Variants in MTX1 observed in about 807,000 individuals in gnomAD.
MTX1 encodes metaxin-1.
Under a neutral mutation model 39.4 loss-of-function variants are expected in MTX1, and 20 were observed. The observed-to-expected ratio is 0.51, with a 90% confidence interval of 0.36 to 0.74. The LOEUF (loss-of-function observed/expected upper bound fraction) is 0.74. Among genes scored for constraint, MTX1 ranks in the 30% least tolerant of loss-of-function variants. The pLI, the probability that MTX1 is intolerant of heterozygous loss-of-function variation, is 0.00. For synonymous variants in MTX1, 209 were observed against 198.6 expected (o/e 1.05, Z -0.44); for missense variants, 481 against 485.9 (o/e 0.99, Z 0.10).
intron 3 of MTX1, 76 bp downstream of exon 3, chr1:155,210,703 C>T (rs948375754): frequency 2.2e-6 from 3 of 1,345,178 alleles, no homozygotes; most frequent in African/African-American, 2.9e-5. Context: ...TTATTGAGCA[C>T]CAGATATATG....
rs1670944743 is a variant in MTX1 at position 155,209,086 on chromosome 1, C to G, written c.282C>G (p.Val94=). 1 of 1,541,850 alleles carries G rather than the reference C, an allele frequency of 6.5e-7. No individual in the cohort carries two copies. The highest frequency in any genetic ancestry group is 1.4e-5 in the African/African-American group (1 of 72,648). The change falls in exon 1 of 8, where the codon GTC becomes GTG. Residue 94 remains valine, a synonymous_variant. Transcript: ENST00000368376. ...CCTCCCCCGAGGCCCGCGGCCCAGT[C>G]CCCCGCAGTTCAGCTGCCAGTCGGG... ...RPPSPEARGP[V]PRSSAASRAR...
chr1:155,212,790 G>C lies in MTX1; in HGVS notation c.1031+20G>C. On this transcript the variant is annotated intron_variant, in intron 6 of 7. Transcript: ENST00000368376. The stretch of plus-strand genomic sequence containing the variant: ...AGATGCGTGAGTCTGACTCCAAGAG[G>C]GTAATGGGTGGCTTGGAAGAAGATA... 4 of 1,548,116 alleles carry C rather than the reference G, an allele frequency of 2.6e-6. No homozygotes were observed. In the East Asian group the frequency reaches 9.4e-5, roughly 36 times the overall value.
At chr1:155,209,559 T>A (rs1446070558) in intron 1 of MTX1, among the ~76,000 whole-genome samples, 1 of 152,198 alleles carries the variant, frequency 6.6e-6, no homozygotes, top group African/African-American at 2.4e-5. Context: ...AGGTGATGGG[T>A]TCTAGTCCTT....
At chr1:155,210,955 G>C (rs1395801688) in intron 3 of MTX1, 9 of 382,364 alleles carry the variant, frequency 2.4e-5, no homozygotes, top group Non-Finnish European at 4.4e-5. Flanking sequence ...GGTTGGGCTA[G>C]ATATGGGGCT....
chr1:155,212,518 T>C lies in MTX1; in HGVS notation c.905T>C (p.Leu302Pro). Residue 302 changes from leucine (L) to proline (P), a missense_variant, in exon 5 of 8, where the codon CTG becomes CCG. Leu to Pro is a moderately conservative substitution (Grantham distance 98, BLOSUM62 -3). Around this residue, in one of 2 missense-constraint regions of MTX1, gnomAD observed 113 missense variants for 153.2 expected, o/e 0.74. Transcript: ENST00000368376. The part of the protein sequence containing the change: ...MQRQYMERLQ[L>P]LTGEHRPEDE... Reference sequence around the variant, plus strand: ...CGGCAGTACATGGAACGGCTACAGCTGCTGACTGGGGAGCACAGGCCTGAG... The same window carrying C: ...CGGCAGTACATGGAACGGCTACAGCCGCTGACTGGGGAGCACAGGCCTGAG... The C allele has an allele frequency of 1.2e-6, 2 of 1,613,840 alleles. No homozygotes were observed. The highest frequency in any genetic ancestry group is 1.7e-6 in the Non-Finnish European group (2 of 1,179,778).
intron 3 of MTX1, 28 bp from the exon 4 acceptor site, chr1:155,212,099 G>C (rs1244303990): frequency 1.3e-6 from 2 of 1,578,174 alleles, no homozygotes; most frequent in Admixed American, 3.5e-5. Context: ...GCTCCCTAGT[G>C]TCCACGCCAT....
At chr1:155,212,664 G>A (rs1225277412) in intron 5 of MTX1, 30 bp from the exon 6 acceptor site, 1 of 1,612,722 alleles carries the variant, frequency 6.2e-7, no homozygotes, top group African/African-American at 1.3e-5. Context: ...TGTTCCCACA[G>A]CTGCAAGCCT....
intron 6 of MTX1, 150 bp from the exon 7 acceptor site, chr1:155,213,087 A>G: frequency 1.7e-6 from 1 of 589,930 alleles, no homozygotes. Context: ...CTCTCCCCAT[A>G]CCAGGTCTAG....
rs746453727 is a variant in MTX1 at position 155,209,132 on chromosome 1, C to G, written c.328C>G (p.Pro110Ala). 3 of 1,540,678 alleles carry G rather than the reference C, an allele frequency of 1.9e-6. No individual in the cohort carries two copies. The African/African-American group carries it at 4.1e-5, about 21-fold the overall frequency. ...TCGGGCCAGAAGAAGCCTCGCCTCC[C>G]CGGGGATCTCCCCAGGCCCCCTGAC... Reference protein sequence around the residue: ...ASRARRSLASPGISPGPLTAT... With the variant: ...ASRARRSLASAGISPGPLTAT... The change falls in exon 1 of 8, where the codon CCG (proline) becomes GCG (alanine). Residue 110 changes from proline to alanine, a missense_variant. Transcript: ENST00000368376.
chr1:155,209,630 T>C (rs982104609), intron 1 of MTX1, among the ~76,000 whole-genome samples: 3 of 152,234 alleles, frequency 2.0e-5, no homozygotes, highest in African/African-American at 4.8e-5. Flanking sequence ...GCATTTTTTT[T>C]CTCCATTCGG....
rs1318879182 is a variant in MTX1, at chr1:155,208,876, C to G, written c.72C>G (p.Gly24=). 1 of 1,611,310 alleles carries G rather than the reference C, an allele frequency of 6.2e-7. No individual in the cohort carries two copies. Among genetic ancestry groups the G allele is most frequent in the Non-Finnish European group, 8.5e-7 (1 of 1,179,534 alleles). Residue 24 remains glycine, a synonymous_variant, in exon 1 of 8, where the codon GGC becomes GGG. Coordinates refer to ENST00000368376, the MANE Select transcript of MTX1 (RefSeq NM_002455.5). ...CCAAGGGGCCCTGGAGCAGTACAGG[C>G]CACGTGCAGTTTGGCAAGAGCCCCC... ...TSPKGPWSST[G]HVQFGKSPQT...
Position 155,208,716 on chromosome 1 carries a change from C to A in MTX1, c.-89C>A. The stretch of plus-strand genomic sequence containing the variant: ...CCCCACCCAAGCCCCAGCCCGGCCT[C>A]CGCTCCGGCCGCCGCCACCGCCCCT... On this transcript the variant is annotated 5_prime_UTR_variant, in exon 1 of 8. Coordinates refer to ENST00000368376, the MANE Select transcript of MTX1 (RefSeq NM_002455.5). The A allele has an allele frequency of 1.5e-6, 2 of 1,308,944 alleles. No individual in the cohort carries two copies. The highest frequency in any genetic ancestry group is 1.6e-5 in the South Asian group (1 of 61,990). The allele number at this position is 1,308,944 out of a possible 1,614,324, so 81.1% of individuals were successfully genotyped here.
At chr1:155,209,764 C>A (rs1671029974) in intron 1 of MTX1, among the ~76,000 whole-genome samples, 2 of 152,138 alleles carry the variant, frequency 1.3e-5, no homozygotes, top group East Asian at 1.9e-4. Context: ...TTTGTTAGAC[C>A]AAACGACTCA....
chr1:155,212,125 A>C lies in MTX1; in HGVS notation c.679-2A>C. 6.2e-7 allele frequency: 1 copy of C among 1,601,790 alleles called. No homozygotes were observed. Among genetic ancestry groups the C allele is most frequent in the Non-Finnish European group, 8.5e-7 (1 of 1,173,576 alleles). ...TCCACGCCATGGATATTTCCTCCAC[A>C]GAAGTACAATGCTGATTATGATCTG... is the stretch of plus-strand genomic sequence containing the variant. On this transcript the variant is annotated splice_acceptor_variant, in intron 3 of 7. Coordinates refer to ENST00000368376, the MANE Select transcript of MTX1 (RefSeq NM_002455.5). LOFTEE classifies it high-confidence loss of function.
In MTX1 at chr1:155,209,168, G is replaced by C; in HGVS notation, c.364G>C (p.Gly122Arg). Residue 122 changes from glycine (G) to arginine (R), a missense_variant, in exon 1 of 8, where the codon GGA (glycine) becomes CGA (arginine). Physicochemically the swap from Gly to Arg is moderately radical, Grantham distance 125. This residue lies in a region of MTX1 where 368 missense variants were observed against 332.8 expected (regional missense o/e 1.11). Transcript: ENST00000368376. ...ISPGPLTATI[G>R]GAVAGGGPRQ... ...CCCAGGCCCCCTGACCGCAACGATC[G>C]GAGGGGCGGTGGCGGGGGGCGGGCC... 6.7e-7 allele frequency: 1 copy of C among 1,495,000 alleles called. No individual in the cohort carries two copies. Among genetic ancestry groups the C allele is most frequent in the Non-Finnish European group, 8.9e-7 (1 of 1,120,398 alleles). 92.6% of individuals were successfully genotyped at this position (1,495,000 alleles called of 1,614,324 possible).
Position 155,208,845 on chromosome 1 carries a change from C to T in MTX1, c.41C>T (p.Thr14Met). Residue 14 changes from threonine (T) to methionine (M), a missense_variant, in exon 1 of 8, where the codon ACG becomes ATG. Coordinates refer to ENST00000368376, the MANE Select transcript of MTX1 (RefSeq NM_002455.5). ...CCCCCCCGCAGTCCCCGCTCGGGGA[C>T]GAGCCCCAAGGGGCCCTGGAGCAGT... ...GGPPRSPRSG[T>M]SPKGPWSSTG... The T allele has an allele frequency of 1.9e-6, 3 of 1,591,060 alleles. No individual in the cohort carries two copies. The highest frequency in any genetic ancestry group is 2.6e-6 in the Non-Finnish European group (3 of 1,167,184).
At chr1:155,211,874 C>T (rs1393278355) in intron 3 of MTX1, 3 of 349,926 alleles carry the variant, frequency 8.6e-6, no homozygotes, top group African/African-American at 2.1e-5. Context: ...TAGTTTGCGG[C>T]GGAGCCTTCC....
Position 155,212,192 on chromosome 1 carries a change from C to A in MTX1, c.744C>A (p.Leu248=). The A allele has an allele frequency of 6.2e-7, 1 of 1,612,468 alleles. No homozygotes were observed. The highest frequency in any genetic ancestry group is 8.5e-7 in the Non-Finnish European group (1 of 1,179,054). The part of the protein sequence containing the change: ...QGADTLAFMS[L]LEEKLLPVLV... ...CAGACACCCTGGCCTTCATGTCTCTCCTGGAGGAGAAGTTGCTCCCGGTGC... is the reference window on the plus strand; with the variant it reads ...CAGACACCCTGGCCTTCATGTCTCTACTGGAGGAGAAGTTGCTCCCGGTGC... Residue 248 remains leucine (L), a synonymous_variant, in exon 4 of 8, where the codon CTC becomes CTA. Coordinates refer to ENST00000368376, the MANE Select transcript of MTX1 (RefSeq NM_002455.5).
chr1:155,212,286 C>A, intron 4 of MTX1, 67 bp downstream of exon 4: 1 of 1,594,476 alleles, frequency 6.3e-7, no homozygotes, highest in South Asian at 1.1e-5. Flanking sequence ...CACAGACCCA[C>A]ACACAGGCTC....
Sources: allele counts gnomAD v4.1 joint callset (sites outside exome capture counted in the v4.1 genomes callset), GRCh38; gene constraint gnomAD v4.1.1; regional missense constraint gnomAD v4.1.1; transcripts MANE v1.5; gene names NCBI Gene and HGNC (gene_info 2026-07-23, HGNC 2026-07-21).